Variants in CDH18 observed in about 807,000 individuals in gnomAD.
CDH18 encodes cadherin-18.
CDH18 carries 31 observed loss-of-function variants against 67.9 expected under a neutral mutation model. The ratio of observed to expected loss-of-function variants is 0.46; its 90% CI spans 0.34 to 0.62. The LOEUF is 0.62. Among genes scored for constraint, CDH18 ranks in the 20% least tolerant of loss-of-function variants. The probability of loss-of-function intolerance (pLI) is 0.01; values close to 1 mark genes in which losing one functional copy is unlikely to be tolerated. For synonymous variants in CDH18, 362 were observed against 347.2 expected (o/e 1.04, Z -0.48); for missense variants, 890 against 975.5 (o/e 0.91, Z 1.17).
intron 5 of CDH18, among the ~76,000 whole-genome samples, chr5:19,704,066 T>C (rs555565887): frequency 2.8e-4 from 43 of 152,266 alleles, no homozygotes; most frequent in African/African-American, 9.4e-4. Context: ...TTGTGTCATA[T>C]GTGGAAATCA....
At chr5:20,274,111 G>A (rs1745632625) in intron 1 of CDH18, among the ~76,000 whole-genome samples, 1 of 152,062 alleles carries the variant, frequency 6.6e-6, no homozygotes, top group African/African-American at 2.4e-5. Context: ...AGCAAAGTAG[G>A]CAATATCAGA....
intron 2 of CDH18, among the ~76,000 whole-genome samples, chr5:20,075,334 C>G (rs1285975289): frequency 6.6e-6 from 1 of 152,214 alleles, no homozygotes; most frequent in East Asian, 1.9e-4. Context: ...GAAACCCCGT[C>G]TCTACTAAAA....
At chr5:20,366,734 C>T (rs1742552730) in intron 1 of CDH18, among the ~76,000 whole-genome samples, 1 of 152,192 alleles carries the variant, frequency 6.6e-6, no homozygotes, top group African/African-American at 2.4e-5. Flanking sequence ...TGAGTATATT[C>T]AATTCCCGAT....
chr5:19,634,221 T>C (rs1189868176), intron 5 of CDH18, among the ~76,000 whole-genome samples: 2 of 152,208 alleles, frequency 1.3e-5, no homozygotes, highest in South Asian at 2.1e-4. Context: ...TAAATAATTA[T>C]ATTTTGATGA....
intron 2 of CDH18, among the ~76,000 whole-genome samples, chr5:20,123,477 T>G (rs1406731966): frequency 6.6e-6 from 1 of 152,186 alleles, no homozygotes; most frequent in Non-Finnish European, 1.5e-5. Context: ...GTCTTAGACC[T>G]ATTTCACAGG....
chr5:20,297,797 T>C (rs1747658456), intron 1 of CDH18, among the ~76,000 whole-genome samples: 2 of 152,170 alleles, frequency 1.3e-5, no homozygotes, highest in Admixed American at 1.3e-4. Flanking sequence ...ACTCTGATGC[T>C]CTTGCTGAGG....
intron 1 of CDH18, among the ~76,000 whole-genome samples, chr5:20,507,122 G>A (rs1754710336): frequency 1.3e-5 from 2 of 152,240 alleles, no homozygotes; most frequent in South Asian, 4.1e-4. Context: ...AGCCATGTGA[G>A]AGAGATATCT....
intron 2 of CDH18, among the ~76,000 whole-genome samples, chr5:20,120,264 A>G (rs1165526073): frequency 6.6e-6 from 1 of 152,276 alleles, no homozygotes; most frequent in Admixed American, 6.5e-5. Context: ...GATGATCATG[A>G]CAATTAAATC....
chr5:19,921,357 C>G (rs1237334603), intron 2 of CDH18, among the ~76,000 whole-genome samples: 1 of 151,998 alleles, frequency 6.6e-6, no homozygotes, highest in Non-Finnish European at 1.5e-5. Flanking sequence ...CAGTGAAACC[C>G]TGTCTCTACT....
At chr5:20,166,821 T>C (rs1240393222) in intron 2 of CDH18, among the ~76,000 whole-genome samples, 1 of 152,162 alleles carries the variant, frequency 6.6e-6, no homozygotes, top group Non-Finnish European at 1.5e-5. Flanking sequence ...CCCACTCCGT[T>C]GTCCTCCAAG....
At chr5:20,241,888 A>ATATG (rs201403821) in intron 2 of CDH18, among the ~76,000 whole-genome samples, 1,557 of 78,066 alleles carry the variant, frequency 0.02, 36 homozygotes, top group African/African-American at 0.075. Flanking sequence ...AAATATATAT[A>ATATG]TATGTATATA....
At chr5:19,953,406 A>G (rs1226319276) in intron 2 of CDH18, among the ~76,000 whole-genome samples, 2 of 152,012 alleles carry the variant, frequency 1.3e-5, no homozygotes, top group South Asian at 2.1e-4. Context: ...TGTTATGTTG[A>G]CTGATGCAGT....
intron 1 of CDH18, among the ~76,000 whole-genome samples, chr5:20,513,676 T>C (rs1359016116): frequency 6.6e-6 from 1 of 152,210 alleles, no homozygotes; most frequent in African/African-American, 2.4e-5. Context: ...CATTTTCTTA[T>C]AACTTTTTGG....
intron 1 of CDH18, among the ~76,000 whole-genome samples, chr5:20,340,670 TTACCATCTAG>T (rs1740180043): frequency 2.6e-5 from 4 of 152,068 alleles, no homozygotes; most frequent in African/African-American, 4.8e-5. Context: ...CAGACTGCTA[TTACCATCTAG>T]GAGCCTCAGG....
chr5:20,218,693 C>T (rs775229871), intron 2 of CDH18, among the ~76,000 whole-genome samples: 3 of 151,864 alleles, frequency 2.0e-5, no homozygotes, highest in Admixed American at 6.6e-5. Flanking sequence ...ATGGTTTTAT[C>T]AAGGGTTTCC....
intron 2 of CDH18, among the ~76,000 whole-genome samples, chr5:20,243,585 T>C (rs1743150550): frequency 6.6e-6 from 1 of 152,052 alleles, no homozygotes; most frequent in Admixed American, 6.6e-5. Flanking sequence ...CGCTGTGAAA[T>C]AGAAATATCT....
At chr5:19,556,576 A>G (rs983942001) in intron 8 of CDH18, among the ~76,000 whole-genome samples, 3 of 152,008 alleles carry the variant, frequency 2.0e-5, no homozygotes, top group African/African-American at 2.4e-5. Flanking sequence ...ACTAAGAAAA[A>G]GAAAAAAAAA....
chr5:19,545,135 C>A (rs1175091298), intron 8 of CDH18, among the ~76,000 whole-genome samples: 1 of 152,092 alleles, frequency 6.6e-6, no homozygotes, highest in Non-Finnish European at 1.5e-5. Flanking sequence ...TCTCCTAAAG[C>A]CTCTAATGCT....
chr5:19,489,402 C>T (rs908977620), intron 11 of CDH18, among the ~76,000 whole-genome samples: 1 of 151,896 alleles, frequency 6.6e-6, no homozygotes, highest in African/African-American at 2.4e-5. Flanking sequence ...CGCCCGCCAC[C>T]ACACCTGGCT....
Sources: allele counts gnomAD v4.1 joint callset (sites outside exome capture counted in the v4.1 genomes callset), GRCh38; gene constraint gnomAD v4.1.1; transcripts MANE v1.5; gene names NCBI Gene and HGNC (gene_info 2026-07-23, HGNC 2026-07-21).